Variants in KDR observed in about 807,000 individuals in gnomAD.
KDR encodes kinase insert domain receptor.
Under a neutral mutation model 160.9 loss-of-function variants are expected in KDR, and 43 were observed. The observed-to-expected ratio is 0.27, with a 90% CI of 0.21 to 0.34. The LOEUF is 0.34. KDR is among the 10% of genes least tolerant of loss of function. KDR has a pLI of 1.00. For missense variants in KDR, 1,469 were observed against 1,666.4 expected (o/e 0.88, Z 2.06); for synonymous variants, 617 against 600.1 (o/e 1.03, Z -0.41).
At chr4:55,113,546 A>G (rs1720651725) in intron 6 of KDR, 65 bp from the exon 7 acceptor site, 2 of 1,404,598 alleles carry the variant, frequency 1.4e-6, no homozygotes, top group East Asian at 4.6e-5. Context: ...AACTTCTAGT[A>G]ACACACAGAA....
At chr4:55,089,298 A>T (rs909470091) in intron 25 of KDR, 76 bp downstream of exon 25, 1 of 1,044,822 alleles carries the variant, frequency 9.6e-7, no homozygotes, top group African/African-American at 1.6e-5. Flanking sequence ...GAAGGTCTAT[A>T]TAATGGAAAG....
At chr4:55,088,352 G>A (rs1362405071) in intron 26 of KDR, among the ~76,000 whole-genome samples, 1 of 152,142 alleles carries the variant, frequency 6.6e-6, no homozygotes, top group Non-Finnish European at 1.5e-5. Flanking sequence ...CAAAAGAAAA[G>A]AAAGAGGAAA....
chr4:55,106,575 A>G lies in KDR; in HGVS notation c.1536+112T>C, dbSNP rs1040648841. The G allele has an allele frequency of 7.0e-6, 6 of 855,864 alleles. No individual in the cohort carries two copies. In the African/African-American group the frequency reaches 8.3e-5, roughly 12 times the overall value. 53.0% of individuals were successfully genotyped at this position (855,864 alleles called of 1,614,324 possible). A position where few individuals can be genotyped will look rare whatever the true frequency, so the allele number is the denominator to read the frequency against. ...TTTTCAAAGTGACTTAATACGCTCT[A>G]TTTAATCATCCAGACTATTTGATTA... is the stretch of plus-strand genomic sequence containing the variant. On this transcript the variant is annotated intron_variant, in intron 11 of 29. Transcript: ENST00000263923.
chr4:55,120,840 G>A (rs1175975715), intron 2 of KDR, among the ~76,000 whole-genome samples: 1 of 74,848 alleles, frequency 1.3e-5, no homozygotes, highest in African/African-American at 5.2e-5. Flanking sequence ...GTGTGGGTGT[G>A]TATTTGTGTG....
intron 11 of KDR, among the ~76,000 whole-genome samples, chr4:55,106,360 T>C (rs1019604147): frequency 3.9e-5 from 6 of 152,190 alleles, no homozygotes; most frequent in Admixed American, 2.6e-4. Context: ...TCACACATTA[T>C]ATAAAAAGGG....
Position 55,125,242 on chromosome 4 carries a change from G to A in KDR, c.52C>T (p.Arg18Trp), listed in dbSNP as rs1216864286. Residue 18 changes from arginine to tryptophan, a missense_variant, in exon 1 of 30, where the codon CGG becomes TGG. This residue lies in a region of KDR where 792 missense variants were observed against 840.9 expected (regional missense o/e 0.94). Coordinates refer to ENST00000263923, the MANE Select transcript of KDR (RefSeq NM_002253.4). ...AVALWLCVET[R>W]AASVGLPSVS... ...GGCTCCTTACCCACAGAGGCGGCCC[G>A]GGTCTCCACGCAGAGCCACAGGGCG... is the stretch of plus-strand genomic sequence containing the variant. 18 of 1,612,776 alleles carry A rather than the reference G, an allele frequency of 1.1e-5. No individual in the cohort carries two copies. The highest frequency in any genetic ancestry group is 1.4e-5 in the Non-Finnish European group (16 of 1,179,696).
At chr4:55,113,214 T>G in intron 7 of KDR, 90 bp downstream of exon 7, 1 of 1,367,712 alleles carries the variant, frequency 7.3e-7, no homozygotes, top group East Asian at 2.3e-5. Context: ...ATCTTCTGAA[T>G]GAACAAAATA....
chr4:55,114,804 ATGT>A, intron 5 of KDR, 67 bp downstream of exon 5: 1 of 1,333,230 alleles, frequency 7.5e-7, no homozygotes, highest in African/African-American at 1.4e-5. Flanking sequence ...TCTTCACTCT[ATGT>A]TGTTATCTCC....
chr4:55,118,534 C>T, intron 3 of KDR, 70 bp downstream of exon 3: 1 of 1,240,892 alleles, frequency 8.1e-7, no homozygotes, highest in South Asian at 1.2e-5. Context: ...GTACTCAATT[C>T]TTCTTTGAGC....
At chr4:55,100,695 C>T (rs976031293) in intron 15 of KDR, among the ~76,000 whole-genome samples, 3 of 152,134 alleles carry the variant, frequency 2.0e-5, no homozygotes, top group African/African-American at 7.2e-5. Context: ...TAAGCTTATA[C>T]ATTTGAAAAT....
intron 15 of KDR, among the ~76,000 whole-genome samples, chr4:55,099,006 T>A (rs1051443110): frequency 1.6e-4 from 24 of 150,270 alleles, no homozygotes; most frequent in African/African-American, 5.6e-4. Flanking sequence ...TTTATTTATT[T>A]ATTTATTTAT....
Position 55,116,108 on chromosome 4 carries a change from A to C in KDR, c.359-697T>G, listed in dbSNP as rs533284716. ...AACATTTGAAAAGTCACCACTCCAA[A>C]GACTGAGAAGAAAACTGAAGAGATT... is the stretch of plus-strand genomic sequence containing the variant. On this transcript the variant is annotated intron_variant, in intron 3 of 29. Coordinates refer to ENST00000263923, the MANE Select transcript of KDR (RefSeq NM_002253.4). 2.3e-3 allele frequency among the ~76,000 whole-genome samples: 348 copies of C among 152,296 alleles called. 2 individuals carry two copies. Among genetic ancestry groups the C allele is most frequent in the Non-Finnish European group, 3.3e-3 (224 of 68,022 alleles).
In KDR at chr4:55,115,367, C is replaced by T. The variant is rs927340335; in HGVS notation, c.403G>A (p.Val135Ile). ...FIASVSDQHG[V>I]VYITENKNKT... The stretch of plus-strand genomic sequence containing the variant: ...TTTTTGTTCTCAGTAATGTACACGA[C>T]TCCATGTTGGTCACTAACAGAAGCA... Residue 135 changes from valine (V) to isoleucine (I), a missense_variant, in exon 4 of 30, where the codon GTC (valine) becomes ATC (isoleucine). Coordinates refer to ENST00000263923, the MANE Select transcript of KDR (RefSeq NM_002253.4). The T allele has an allele frequency of 5.1e-6, 8 of 1,557,228 alleles. No individual in the cohort carries two copies. Among genetic ancestry groups the T allele is most frequent in the Middle Eastern group, 3.4e-4 (2 of 5,954 alleles).
At position 55,094,818 on chromosome 4, in the gene KDR, A is replaced by G. The variant is rs1720107808; in HGVS notation, c.2955T>C (p.Asp985=). ...AGCCAGTACCTTCCTCTTCTTCTAC[A>G]TCACTGAGGGACTTCTCCTCCACAA... is the stretch of plus-strand genomic sequence containing the variant. ...SGFVEEKSLS[D]VEEEEAPEDL... is the part of the protein sequence containing the mutation. Residue 985 remains aspartate, a synonymous_variant, in exon 21 of 30, where the codon GAT becomes GAC. Transcript: ENST00000263923. 1 of 1,613,820 alleles carries G rather than the reference A, an allele frequency of 6.2e-7. No individual in the cohort carries two copies. The highest frequency in any genetic ancestry group is 1.3e-5 in the African/African-American group (1 of 74,914).
intron 14 of KDR, 92 bp from the exon 15 acceptor site, chr4:55,102,120 C>T: frequency 3.2e-6 from 5 of 1,544,202 alleles, no homozygotes; most frequent in Non-Finnish European, 4.5e-6. Context: ...TGCTGCCCTT[C>T]ATCTTGTTCT....
At chr4:55,096,923 T>C (rs1195253959) in intron 18 of KDR, among the ~76,000 whole-genome samples, 2 of 152,162 alleles carry the variant, frequency 1.3e-5, no homozygotes, top group African/African-American at 2.4e-5. Context: ...TCTAAGGCTC[T>C]GATGAGCCAC....
chr4:55,117,012 G>GC (rs34420560), intron 3 of KDR, among the ~76,000 whole-genome samples: 17,253 of 152,198 alleles, frequency 0.11, 1,111 homozygotes, highest in Non-Finnish European at 0.15. Flanking sequence ...AATAAACAGT[G>GC]CTAGGGATTG....
rs1242539871 is a variant in KDR, at chr4:55,098,157, G to C, written c.2489C>G (p.Pro830Arg). The change falls in exon 17 of 30, where the codon CCC becomes CGC. Residue 830 changes from proline (P) to arginine (R), a missense_variant. Coordinates refer to ENST00000263923, the MANE Select transcript of KDR (RefSeq NM_002253.4). ...TGCACCTAGCTTCAGCCGGTCTCTG[G>C]GGAATTCCCATTTGCTGGCATCATA... ...LPYDASKWEF[P>R]RDRLKLGKPL... is the part of the protein sequence containing the mutation. 5 of 1,613,846 alleles carry C rather than the reference G, an allele frequency of 3.1e-6. No individual in the cohort carries two copies. The South Asian group carries it at 5.5e-5, about 18-fold the overall frequency.
At position 55,082,773 on chromosome 4, in the gene KDR, T is replaced by A. The variant is rs180730202; in HGVS notation, c.3663-138A>T. ...TTAGAAAAACAAAACAAAATAAAAA[T>A]CTTTCTCTGCTAGCACACATGGAAG... is the stretch of plus-strand genomic sequence containing the variant. On this transcript the variant is annotated intron_variant, in intron 27 of 29. Coordinates refer to ENST00000263923, the MANE Select transcript of KDR (RefSeq NM_002253.4). The A allele has an allele frequency of 2.4e-4, 168 of 688,066 alleles. No individual in the cohort carries two copies. The African/African-American group carries it at 2.6e-3, about 11-fold the overall frequency. The allele number at this position is 688,066 out of a possible 1,614,324, so 42.6% of individuals were successfully genotyped here.
Sources: gnomAD v4.1 joint callset for allele counts (sites outside exome capture counted in the v4.1 genomes callset) on GRCh38, gnomAD v4.1.1 for gene constraint, gnomAD v4.1.1 regional missense constraint, MANE v1.5 for transcripts, NCBI Gene and HGNC (gene_info 2026-07-23, HGNC 2026-07-21) for gene names.